The following MERTK variants were observed in gnomAD, a reference collection of about 807,000 sequenced individuals.
MERTK encodes tyrosine-protein kinase Mer.
In MERTK, 69 loss-of-function variants were observed where a neutral mutation model predicts 99.3. The observed-to-expected ratio is 0.70, with a 90% CI of 0.57 to 0.85. MERTK has a LOEUF of 0.85. Among genes scored for constraint, MERTK ranks in the 40% least tolerant of loss-of-function variants. MERTK has a pLI of 0.00. For synonymous variants in MERTK, 426 were observed against 467.6 expected (o/e 0.91, Z 1.15); for missense variants, 1,125 against 1,249.4 (o/e 0.90, Z 1.50).
At chr2:111,954,796 G>A (rs1382309532) in intron 4 of MERTK, among the ~76,000 whole-genome samples, 1 of 152,242 alleles carries the variant, frequency 6.6e-6, no homozygotes, top group Non-Finnish European at 1.5e-5. Flanking sequence ...CCAGGCTGCT[G>A]ACTGTGGGGA....
chr2:111,950,537 C>G (rs1354773578), intron 4 of MERTK, among the ~76,000 whole-genome samples: 1 of 152,190 alleles, frequency 6.6e-6, no homozygotes, highest in Non-Finnish European at 1.5e-5. Context: ...GTTCCAGTTG[C>G]TCATCGATAT....
intron 1 of MERTK, among the ~76,000 whole-genome samples, chr2:111,926,999 T>C (rs1684580262): frequency 6.6e-6 from 1 of 152,236 alleles, no homozygotes; most frequent in African/African-American, 2.4e-5. Context: ...ACTCCCATGA[T>C]GGCACATTCA....
chr2:112,006,471 C>G (rs1676982598), intron 13 of MERTK, among the ~76,000 whole-genome samples: 1 of 152,092 alleles, frequency 6.6e-6, no homozygotes, highest in Non-Finnish European at 1.5e-5. Flanking sequence ...GTTCCTGCCT[C>G]TTGTATGATT....
At chr2:112,021,310 C>G (rs1677342217) in intron 16 of MERTK, 112 bp from the exon 17 acceptor site, 3 of 1,487,054 alleles carry the variant, frequency 2.0e-6, no homozygotes, top group East Asian at 4.5e-5. Flanking sequence ...CTGGTGGTGT[C>G]TCTGTGTTCT....
chr2:111,933,335 A>G (rs879681912), intron 2 of MERTK, among the ~76,000 whole-genome samples: 3 of 152,196 alleles, frequency 2.0e-5, no homozygotes, highest in Non-Finnish European at 4.4e-5. Flanking sequence ...GTTAAAAAAT[A>G]GTTTTAGGCT....
At chr2:112,012,326 T>C (rs796237439) in intron 15 of MERTK, among the ~76,000 whole-genome samples, 10 of 116,558 alleles carry the variant, frequency 8.6e-5, no homozygotes, top group African/African-American at 2.5e-4. Flanking sequence ...ACCCAGTCAT[T>C]GAGCATCTTC....
rs1029082445 is a variant in MERTK at position 112,029,272 on chromosome 2, C to G, written c.*408C>G. 2.1e-6 allele frequency: 2 copies of G among 973,694 alleles called. No homozygotes were observed. Among genetic ancestry groups the G allele is most frequent in the Non-Finnish European group, 1.2e-6 (1 of 814,452 alleles). The allele number at this position is 973,694 out of a possible 1,614,324, so 60.3% of individuals were successfully genotyped here. ...TGCCATATTTGACTTGGCTTCTGGT[C>G]TTGATGTATTTGATAAGAATGATTC... On this transcript the variant is annotated 3_prime_UTR_variant, in exon 19 of 19. Transcript: ENST00000295408.
In MERTK at chr2:112,028,641, A is replaced by C. The variant is rs370413166; in HGVS notation, c.2777A>C (p.Glu926Ala). 3.7e-6 allele frequency: 6 copies of C among 1,614,058 alleles called. No homozygotes were observed. In the African/African-American group the frequency reaches 8.0e-5, roughly 22 times the overall value. Reference sequence around the variant, plus strand: ...GAAGTTCATGACAGCAAACCTCATGAAGGACGGTACATCCTGAATGGGGGC... The same window carrying C: ...GAAGTTCATGACAGCAAACCTCATGCAGGACGGTACATCCTGAATGGGGGC... ...TAEVHDSKPHEGRYILNGGSE... is the reference protein window; with the variant it reads ...TAEVHDSKPHAGRYILNGGSE... The change falls in exon 19 of 19, where the codon GAA becomes GCA. Residue 926 changes from glutamate to alanine, a missense_variant. Transcript: ENST00000295408.
chr2:112,014,954 G>A (rs970857089), intron 15 of MERTK, among the ~76,000 whole-genome samples: 1 of 152,136 alleles, frequency 6.6e-6, no homozygotes, highest in African/African-American at 2.4e-5. Flanking sequence ...ATAACCTTTT[G>A]AGACTGGCTT....
chr2:111,906,116 C>T (rs946326947), intron 1 of MERTK, among the ~76,000 whole-genome samples: 1 of 152,188 alleles, frequency 6.6e-6, no homozygotes, highest in Non-Finnish European at 1.5e-5. Flanking sequence ...AAACAAGATC[C>T]AATCATCACA....
intron 1 of MERTK, among the ~76,000 whole-genome samples, chr2:111,919,147 C>G (rs890920427): frequency 3.3e-5 from 5 of 152,170 alleles, no homozygotes; most frequent in Non-Finnish European, 7.3e-5. Context: ...CACCCCACCT[C>G]TCCTGCAGCC....
At chr2:111,926,701 C>T (rs1045246286) in intron 1 of MERTK, among the ~76,000 whole-genome samples, 2 of 152,196 alleles carry the variant, frequency 1.3e-5, no homozygotes, top group Non-Finnish European at 2.9e-5. Context: ...CACTCCACTC[C>T]AGCCTGGTGA....
intron 18 of MERTK, among the ~76,000 whole-genome samples, chr2:112,024,329 G>A (rs927494896): frequency 3.3e-5 from 5 of 152,348 alleles, no homozygotes; most frequent in Non-Finnish European, 7.3e-5. Flanking sequence ...GCTGTGTCAC[G>A]TTGTGGTTTT....
At chr2:111,997,579 GA>G in intron 10 of MERTK, 103 bp downstream of exon 10, 1 of 1,378,390 alleles carries the variant, frequency 7.3e-7, no homozygotes, top group South Asian at 1.2e-5. Flanking sequence ...ATTGCTCCCA[GA>G]TGGCTGCCCT....
At chr2:111,979,530 T>C (rs1339126629) in intron 7 of MERTK, among the ~76,000 whole-genome samples, 3 of 150,126 alleles carry the variant, frequency 2.0e-5, no homozygotes, top group Non-Finnish European at 4.5e-5. Flanking sequence ...GTCCTTAAAC[T>C]TTTTTTTTTC....
Position 112,029,053 on chromosome 2 carries a change from AAT to A in MERTK, c.*192_*193del. The A allele has an allele frequency of 7.4e-7, 1 of 1,349,796 alleles. No individual in the cohort carries two copies. Among genetic ancestry groups the A allele is most frequent in the Non-Finnish European group, 9.6e-7 (1 of 1,044,560 alleles). The allele number at this position is 1,349,796 out of a possible 1,614,324, so 83.6% of individuals were successfully genotyped here. A position where few individuals can be genotyped will look rare whatever the true frequency, so the allele number is the denominator to read the frequency against. ...AATATATATTTATTTAAAGAGAAAA[AAT>A]ATGTGTATATCATGGAAAAAGACAA... On this transcript the variant is annotated 3_prime_UTR_variant, in exon 19 of 19. Transcript: ENST00000295408.
At chr2:111,932,817 T>C (rs1476524533) in intron 2 of MERTK, among the ~76,000 whole-genome samples, 1 of 152,124 alleles carries the variant, frequency 6.6e-6, no homozygotes, top group Non-Finnish European at 1.5e-5. Flanking sequence ...GGGAGAAGTT[T>C]ATAGCAGGGT....
intron 8 of MERTK, among the ~76,000 whole-genome samples, chr2:111,989,256 C>T (rs1464099190): frequency 1.3e-5 from 2 of 152,104 alleles, no homozygotes; most frequent in African/African-American, 2.4e-5. Context: ...CCCCTTTGAA[C>T]GAGTCACCTT....
chr2:111,910,403 G>A (rs1195043912), intron 1 of MERTK, among the ~76,000 whole-genome samples: 1 of 151,898 alleles, frequency 6.6e-6, no homozygotes, highest in Admixed American at 6.6e-5. Context: ...CCGAGTAGCT[G>A]GGATTACAGG....
Sources: allele counts gnomAD v4.1 joint callset (sites outside exome capture counted in the v4.1 genomes callset), GRCh38; gene constraint gnomAD v4.1.1; transcripts MANE v1.5; gene names NCBI Gene and HGNC (gene_info 2026-07-23, HGNC 2026-07-21).